Variants in WDFY3 observed in about 807,000 individuals in gnomAD.
The protein encoded by WDFY3 is WD repeat and FYVE domain-containing protein 3.
A neutral mutation model predicts 409.6 loss-of-function variants in WDFY3; 66 were observed. That is an observed-to-expected ratio of 0.16 (90% CI 0.13 to 0.20). WDFY3 has a LOEUF of 0.20. Among genes scored for constraint, WDFY3 ranks in the 10% least tolerant of loss-of-function variants. The pLI is 1.00. For missense variants in WDFY3, 3,031 were observed against 4,298.1 expected (o/e 0.71, Z 8.24); for synonymous variants, 1,521 against 1,537.1 (o/e 0.99, Z 0.25).
rs568168450 is a variant in WDFY3, at chr4:84,852,448, A to G, written c.181-2423T>C. Among the ~76,000 whole-genome samples the G allele has an allele frequency of 3.9e-5, 6 of 152,368 alleles. No homozygotes were observed. The South Asian group carries it at 1.2e-3, about 32-fold the overall frequency. ...CTTCCAAAGATCCCAATAAAAGAATATAACAAACAATGTAATATCCTTCTA... is the reference window on the plus strand; with the variant it reads ...CTTCCAAAGATCCCAATAAAAGAATGTAACAAACAATGTAATATCCTTCTA... On this transcript the variant is annotated intron_variant, in intron 4 of 67. Transcript: ENST00000295888.
chr4:84,865,370 A>G (rs1761237663), intron 3 of WDFY3, among the ~76,000 whole-genome samples: 1 of 152,184 alleles, frequency 6.6e-6, no homozygotes, highest in Non-Finnish European at 1.5e-5. Flanking sequence ...GCTCTTCTGA[A>G]TTCTCCTCTC....
intron 2 of WDFY3, among the ~76,000 whole-genome samples, chr4:84,902,597 G>A (rs558987801): frequency 6.6e-6 from 1 of 152,104 alleles, no homozygotes; most frequent in Admixed American, 6.5e-5. Context: ...CTTTTTAGAA[G>A]GGCAAAATAG....
intron 15 of WDFY3, among the ~76,000 whole-genome samples, chr4:84,806,919 T>C (rs1751612737): frequency 6.6e-6 from 1 of 152,156 alleles, no homozygotes; most frequent in Admixed American, 6.5e-5. Flanking sequence ...CCTGATGTAT[T>C]TTTTTAAGTA....
rs1223784786 is a variant in WDFY3, at chr4:84,789,917, A to AG, written c.3488-11dup. ...TCACTAAAATCATCAACTGAAATAAAGGGGGGAAGACATAAAAACTTTTTC... is the reference window on the plus strand; with the variant it reads ...TCACTAAAATCATCAACTGAAATAAAGGGGGGGAAGACATAAAAACTTTTTC... On this transcript the variant is annotated splice_polypyrimidine_tract_variant and intron_variant, in intron 21 of 67. Coordinates refer to ENST00000295888, the MANE Select transcript of WDFY3 (RefSeq NM_014991.6). The AG allele has an allele frequency of 1.9e-6, 3 of 1,613,686 alleles. No homozygotes were observed. In the South Asian group the frequency reaches 3.3e-5, roughly 18 times the overall value.
At chr4:84,954,998 A>T (rs1328631809) in intron 1 of WDFY3, among the ~76,000 whole-genome samples, 1 of 152,178 alleles carries the variant, frequency 6.6e-6, no homozygotes, top group Non-Finnish European at 1.5e-5. Flanking sequence ...TGAGCTCAGG[A>T]GTTGAAGACC....
chr4:84,727,250 A>G (rs1319561157), intron 44 of WDFY3, among the ~76,000 whole-genome samples: 1 of 152,040 alleles, frequency 6.6e-6, no homozygotes, highest in Non-Finnish European at 1.5e-5. Context: ...AAAAAAAAAC[A>G]AAAAACAAAA....
rs746120623 is a variant in WDFY3 at position 84,778,629 on chromosome 4, T to C, written c.4392A>G (p.Lys1464=). ...GGATGTGGCTGTTAAGAAGGGAACGTTTCTTCTTAAGCAACATTGCCAGCA... is the reference window on the plus strand; with the variant it reads ...GGATGTGGCTGTTAAGAAGGGAACGCTTCTTCTTAAGCAACATTGCCAGCA... ...YQLLAMLLKK[K]RSLLNSHILH... The change falls in exon 27 of 68, where the codon AAA becomes AAG. Residue 1464 remains lysine, a synonymous_variant. Coordinates refer to ENST00000295888, the MANE Select transcript of WDFY3 (RefSeq NM_014991.6). 3 of 1,610,026 alleles carry C rather than the reference T, an allele frequency of 1.9e-6. No homozygotes were observed. The highest frequency in any genetic ancestry group is 1.1e-5 in the South Asian group (1 of 90,048).
At chr4:84,840,743 A>AT (rs34303681) in intron 6 of WDFY3, among the ~76,000 whole-genome samples, 1,540 of 141,696 alleles carry the variant, frequency 0.011, 7 homozygotes, top group Non-Finnish European at 0.014. Flanking sequence ...CGCTCAGCTA[A>AT]TTTTTTTTTT....
rs570514363 is a variant in WDFY3, at chr4:84,670,708, G to C, written c.*2160C>G. The C allele has an allele frequency of 7.2e-5, 11 of 152,766 alleles. No individual in the cohort carries two copies. Among genetic ancestry groups the C allele is most frequent in the African/African-American group, 2.4e-4 (10 of 41,584 alleles). The allele number at this position is 152,766 out of a possible 1,614,324, so 9.5% of individuals were successfully genotyped here. A position where few individuals can be genotyped will look rare whatever the true frequency, so the allele number is the denominator to read the frequency against. ...CTGCCACTGGGTATGGGGTAAACAT[G>C]ATTCATGGACAAAAGGAGGACGCTT... On this transcript the variant is annotated 3_prime_UTR_variant, in exon 68 of 68. Coordinates refer to ENST00000295888, the MANE Select transcript of WDFY3 (RefSeq NM_014991.6).
At chr4:84,833,822 C>A (rs1438096273) in intron 7 of WDFY3, among the ~76,000 whole-genome samples, 1 of 152,048 alleles carries the variant, frequency 6.6e-6, no homozygotes, top group African/African-American at 2.4e-5. Flanking sequence ...TCCTATTTCC[C>A]TCAAATGCAA....
At chr4:84,747,424 A>G (rs563566668) in intron 36 of WDFY3, among the ~76,000 whole-genome samples, 2 of 152,134 alleles carry the variant, frequency 1.3e-5, no homozygotes, top group South Asian at 4.2e-4. Flanking sequence ...CTCTTTGCCC[A>G]ATTTGCCATT....
chr4:84,704,464 C>A lies in WDFY3; in HGVS notation c.8336-20G>T. 6.5e-7 allele frequency: 1 copy of A among 1,537,482 alleles called. No individual in the cohort carries two copies. The highest frequency in any genetic ancestry group is 8.9e-7 in the Non-Finnish European group (1 of 1,129,690). ...TTTCTCCTGTTTAAGAAAATTAAAG[C>A]ACAATTGAAACCAAAAGAAGAAATA... On this transcript the variant is annotated intron_variant, in intron 54 of 67. Coordinates refer to ENST00000295888, the MANE Select transcript of WDFY3 (RefSeq NM_014991.6).
At chr4:84,820,985 G>A (rs905572232) in intron 11 of WDFY3, 99 bp downstream of exon 11, 2 of 1,164,596 alleles carry the variant, frequency 1.7e-6, no homozygotes, top group African/African-American at 3.1e-5. Context: ...ACATTAGGAA[G>A]TCATTGAAAT....
intron 64 of WDFY3, among the ~76,000 whole-genome samples, chr4:84,679,495 T>C (rs557946122): frequency 8.0e-4 from 122 of 152,252 alleles, no homozygotes; most frequent in African/African-American, 2.8e-3. Flanking sequence ...ATTCAATCTC[T>C]CACAATCTGG....
chr4:84,903,875 ATCTG>A (rs1193257656), intron 2 of WDFY3, among the ~76,000 whole-genome samples: 3 of 151,670 alleles, frequency 2.0e-5, no homozygotes, highest in Non-Finnish European at 4.4e-5. Context: ...CTATCTCCCT[ATCTG>A]TCTGTCTGTC....
intron 18 of WDFY3, among the ~76,000 whole-genome samples, 196 bp downstream of exon 18, chr4:84,797,800 C>G (rs185157946): frequency 6.6e-6 from 1 of 151,918 alleles, no homozygotes; most frequent in East Asian, 1.9e-4. Flanking sequence ...CTCGAACTCC[C>G]GACCTCGTGA....
chr4:84,921,528 A>G (rs1490358402), intron 2 of WDFY3, among the ~76,000 whole-genome samples: 2 of 151,638 alleles, frequency 1.3e-5, no homozygotes, highest in Admixed American at 1.3e-4. Context: ...AAGTATTTTT[A>G]TATGTCTTTA....
At chr4:84,914,264 A>G (rs1162587964) in intron 2 of WDFY3, among the ~76,000 whole-genome samples, 1 of 152,086 alleles carries the variant, frequency 6.6e-6, no homozygotes, top group African/African-American at 2.4e-5. Flanking sequence ...TACTAAAAAT[A>G]CAAAAAATTA....
chr4:84,748,662 A>G (rs181026188), intron 36 of WDFY3, among the ~76,000 whole-genome samples: 1 of 152,314 alleles, frequency 6.6e-6, no homozygotes, highest in East Asian at 1.9e-4. Context: ...AAGCCAGTCT[A>G]TATGAATGGG....
Sources: allele counts gnomAD v4.1 joint callset (sites outside exome capture counted in the v4.1 genomes callset), GRCh38; gene constraint gnomAD v4.1.1; transcripts MANE v1.5; gene names NCBI Gene and HGNC (gene_info 2026-07-23, HGNC 2026-07-21).